CNTN6: variants seen among roughly 807,000 people sequenced by gnomAD.
CNTN6 encodes the protein contactin 6, also known as contactin-6.
CNTN6 carries 137 observed loss-of-function variants against 122.8 expected under a neutral mutation model. That is an observed-to-expected ratio of 1.12 (90% CI 0.97 to 1.29). The LOEUF (loss-of-function observed/expected upper bound fraction) is 1.29, where lower values mean the gene tolerates loss of function less well. Among genes scored for constraint, CNTN6 ranks in the 50% most tolerant of loss-of-function variants. The pLI, the probability that CNTN6 is intolerant of heterozygous loss-of-function variation, is 0.00. For missense variants in CNTN6, 1,634 were observed against 1,223.4 expected (o/e 1.34, Z -5.01); for synonymous variants, 570 against 426.0 (o/e 1.34, Z -4.16).
chr3:1,271,034 C>A (rs919680224), intron 4 of CNTN6, among the ~76,000 whole-genome samples: 1 of 152,106 alleles, frequency 6.6e-6, no homozygotes, highest in African/African-American at 2.4e-5. Flanking sequence ...CATGCCACCA[C>A]ATTAGACTAT....
At chr3:1,301,021 A>C (rs1697291763) in intron 7 of CNTN6, among the ~76,000 whole-genome samples, 1 of 135,110 alleles carries the variant, frequency 7.4e-6, no homozygotes, top group Non-Finnish European at 1.6e-5. Flanking sequence ...AGGAGTCCCT[A>C]AACTTTTTTT....
intron 2 of CNTN6, among the ~76,000 whole-genome samples, chr3:1,187,961 A>G (rs980830059): frequency 6.6e-6 from 1 of 152,110 alleles, no homozygotes; most frequent in Admixed American, 6.6e-5. Context: ...CGAAAGCCCC[A>G]CACTGCACCA....
intron 5 of CNTN6, among the ~76,000 whole-genome samples, chr3:1,282,011 T>G (rs896323293): frequency 6.7e-6 from 1 of 148,352 alleles, no homozygotes. Context: ...CACACACACA[T>G]AACTTTATAG....
intron 19 of CNTN6, among the ~76,000 whole-genome samples, chr3:1,385,179 G>C (rs960926559): frequency 6.6e-6 from 1 of 151,684 alleles, no homozygotes; most frequent in Non-Finnish European, 1.5e-5. Flanking sequence ...TGCAAAGGTA[G>C]GGTTCAGTAT....
chr3:1,257,155 G>T (rs569688303), intron 4 of CNTN6, among the ~76,000 whole-genome samples: 17 of 152,110 alleles, frequency 1.1e-4, no homozygotes. Context: ...CTGTTTATTG[G>T]CAATTTAAAA....
At position 1,299,118 on chromosome 3, in the gene CNTN6, G is replaced by A. The variant is rs886440715; in HGVS notation, c.761+1127G>A. Reference sequence around the variant, plus strand: ...TCATTTCTCATGGATTTAAGAGACCGTATTTTATTTTCATAGAGTATGGGT... The same window carrying A: ...TCATTTCTCATGGATTTAAGAGACCATATTTTATTTTCATAGAGTATGGGT... On this transcript the variant is annotated intron_variant, in intron 7 of 22. Transcript: ENST00000446702. 2.6e-4 allele frequency among the ~76,000 whole-genome samples: 39 copies of A among 152,036 alleles called. 1 individual carries two copies. Among genetic ancestry groups the A allele is most frequent in the African/African-American group, 9.2e-4 (38 of 41,402 alleles).
At chr3:1,261,870 G>C (rs962395994) in intron 4 of CNTN6, among the ~76,000 whole-genome samples, 1 of 152,152 alleles carries the variant, frequency 6.6e-6, no homozygotes, top group African/African-American at 2.4e-5. Context: ...AGGTGTAAAA[G>C]TTCAGAGATA....
chr3:1,207,803 ATAAAT>A (rs2093978448), intron 2 of CNTN6, among the ~76,000 whole-genome samples: 1 of 152,092 alleles, frequency 6.6e-6, no homozygotes, highest in African/African-American at 2.4e-5. Context: ...TGAATAAAAA[ATAAAT>A]TAAATTTATA....
chr3:1,140,357 A>G (rs2125135227), intron 1 of CNTN6, among the ~76,000 whole-genome samples: 1 of 152,276 alleles, frequency 6.6e-6, no homozygotes, highest in South Asian at 2.1e-4. Context: ...GAGGTCACAT[A>G]GTAGGGGGGG....
At chr3:1,160,814 G>A (rs551725860) in intron 2 of CNTN6, among the ~76,000 whole-genome samples, 3 of 152,022 alleles carry the variant, frequency 2.0e-5, no homozygotes, top group Non-Finnish European at 4.4e-5. Context: ...GAGCTGACTC[G>A]TAGCAGCTCA....
Position 1,329,847 on chromosome 3 carries a change from G to C in CNTN6, c.1276G>C (p.Asp426His). 4 of 1,611,050 alleles carry C rather than the reference G, an allele frequency of 2.5e-6. No homozygotes were observed. The highest frequency in any genetic ancestry group is 3.4e-6 in the Non-Finnish European group (4 of 1,178,126). ...KKKSFVQVGG[D>H]IVIGCKPNAF... is the part of the protein sequence containing the mutation. Reference sequence around the variant, plus strand: ...AAAGTCTTTTGTTCAAGTTGGTGGGGATATTGTTATCGGATGCAAACCAAA... The same window carrying C: ...AAAGTCTTTTGTTCAAGTTGGTGGGCATATTGTTATCGGATGCAAACCAAA... The change falls in exon 11 of 23, where the codon GAT becomes CAT. Residue 426 changes from aspartate (D) to histidine (H), a missense_variant. Asp to His is a moderately conservative substitution (Grantham distance 81, BLOSUM62 -1). Coordinates refer to ENST00000446702, the MANE Select transcript of CNTN6 (RefSeq NM_001289080.2).
chr3:1,233,145 A>G (rs1437034883), intron 4 of CNTN6, among the ~76,000 whole-genome samples: 1 of 152,204 alleles, frequency 6.6e-6, no homozygotes, highest in East Asian at 1.9e-4. Flanking sequence ...CCAAAGAAAC[A>G]TGCAAAAATC....
At chr3:1,367,197 A>G (rs1708351080) in intron 12 of CNTN6, among the ~76,000 whole-genome samples, 1 of 152,084 alleles carries the variant, frequency 6.6e-6, no homozygotes, top group East Asian at 1.9e-4. Context: ...GGTAATTTTG[A>G]AATATGTATT....
At chr3:1,325,794 G>A (rs1430202603) in intron 8 of CNTN6, 21 bp from the exon 9 acceptor site, 2 of 1,607,606 alleles carry the variant, frequency 1.2e-6, no homozygotes, top group East Asian at 4.5e-5. Flanking sequence ...CCAAACAGTG[G>A]CACTTGCCTT....
At chr3:1,107,036 A>G (rs916023611) in intron 1 of CNTN6, among the ~76,000 whole-genome samples, 1 of 152,094 alleles carries the variant, frequency 6.6e-6, no homozygotes, top group African/African-American at 2.4e-5. Context: ...AAGGGTCTCA[A>G]TGGATTACAT....
At chr3:1,103,940 T>A (rs900883571) in intron 1 of CNTN6, among the ~76,000 whole-genome samples, 7 of 152,110 alleles carry the variant, frequency 4.6e-5, no homozygotes, top group Non-Finnish European at 7.4e-5. Context: ...TCTAGTTAAT[T>A]CTGATAAATA....
Position 1,147,909 on chromosome 3 carries a change from C to T in CNTN6, c.-82-18C>T. The T allele has an allele frequency of 1.4e-6, 1 of 739,282 alleles. No individual in the cohort carries two copies. The highest frequency in any genetic ancestry group is 2.1e-5 in the Admixed American group (1 of 47,718). The allele number at this position is 739,282 out of a possible 1,614,324, so 45.8% of individuals were successfully genotyped here. ...TGTTTGTACGTTTTTCATTTCATGA[C>T]AATTTTGTCTTTTTCAGACTCTTGA... On this transcript the variant is annotated intron_variant, in intron 1 of 22. Transcript: ENST00000446702.
intron 11 of CNTN6, among the ~76,000 whole-genome samples, chr3:1,343,763 ATGT>A (rs1312779258): frequency 2.6e-5 from 4 of 152,086 alleles, no homozygotes; most frequent in African/African-American, 9.7e-5. Context: ...CAAGATGATG[ATGT>A]TATTACTACT....
chr3:1,304,638 C>A (rs1698025151), intron 7 of CNTN6, among the ~76,000 whole-genome samples: 1 of 152,004 alleles, frequency 6.6e-6, no homozygotes, highest in Admixed American at 6.6e-5. Flanking sequence ...ATATATTTCC[C>A]ATTTATATTA....
Sources: gnomAD v4.1 joint callset for allele counts (sites outside exome capture counted in the v4.1 genomes callset) on GRCh38, gnomAD v4.1.1 for gene constraint, MANE v1.5 for transcripts, NCBI Gene and HGNC (gene_info 2026-07-23, HGNC 2026-07-21) for gene names.